The following VXN variants were observed in gnomAD, a reference collection of about 807,000 sequenced individuals.
The protein encoded by VXN is vexin.
VXN carries 7 observed loss-of-function variants against 23.1 expected under a neutral mutation model. The observed-to-expected ratio is 0.30, with a 90% CI of 0.17 to 0.57. The LOEUF is 0.57. VXN is among the 20% of genes least tolerant of loss of function. The probability of loss-of-function intolerance (pLI) is 0.91; values close to 1 mark genes in which losing one functional copy is unlikely to be tolerated. For synonymous variants in VXN, 120 were observed against 105.8 expected, an observed-to-expected ratio of 1.13 and a Z score of -0.83; for missense variants, 238 against 272.6, an observed-to-expected ratio of 0.87 and a Z score of 0.89.
In VXN at chr8:66,505,046, G is replaced by A. The variant is rs567843036; in HGVS notation, c.127-329G>A. Among the ~76,000 whole-genome samples, 22 of 152,334 alleles carry A rather than the reference G, an allele frequency of 1.4e-4. No individual in the cohort carries two copies. The East Asian group carries it at 4.2e-3, about 29-fold the overall frequency. ...TGTTGTCAAAACACGTCAGGCGACC[G>A]GGCAGCTGGCCTGCCCGTATCTCTG... On this transcript the variant is annotated intron_variant, in intron 2 of 5. Transcript: ENST00000305454.
At chr8:66,514,781 C>T (rs545729361) in intron 5 of VXN, among the ~76,000 whole-genome samples, 4 of 152,246 alleles carry the variant, frequency 2.6e-5, no homozygotes, top group East Asian at 1.9e-4. Context: ...CTGTTGTCAA[C>T]GTGTTTCAGG....
chr8:66,496,492 T>C lies in VXN; in HGVS notation c.126T>C (p.Asn42=), dbSNP rs200750536. The part of the protein sequence containing the change: ...AKSSQHLLTK[N]VVIESDLYTH... Reference sequence around the variant, plus strand: ...GCTCTCAGCACCTCTTGACCAAGAATGTAAGGAAACTTTAGTTTTGATGTT... The same window carrying C: ...GCTCTCAGCACCTCTTGACCAAGAACGTAAGGAAACTTTAGTTTTGATGTT... The change falls in exon 2 of 6, where the codon AAT becomes AAC. Residue 42 remains asparagine (N), a splice_region_variant and synonymous_variant. Coordinates refer to ENST00000305454, the MANE Select transcript of VXN (RefSeq NM_152765.4). 8 of 1,613,998 alleles carry C rather than the reference T, an allele frequency of 5.0e-6. No individual in the cohort carries two copies. The highest frequency in any genetic ancestry group is 3.3e-5 in the Admixed American group (2 of 60,026).
At chr8:66,503,121 C>T (rs1163921767) in intron 2 of VXN, among the ~76,000 whole-genome samples, 1 of 152,176 alleles carries the variant, frequency 6.6e-6, no homozygotes, top group Non-Finnish European at 1.5e-5. Context: ...GCTGGGATTA[C>T]AGGCATAAGC....
intron 3 of VXN, among the ~76,000 whole-genome samples, chr8:66,507,536 C>A (rs1445250970): frequency 6.6e-6 from 1 of 152,184 alleles, no homozygotes; most frequent in African/African-American, 2.4e-5. Flanking sequence ...GAATGTCTTT[C>A]CAACTGTCGA....
At chr8:66,495,862 A>G (rs1807619949) in intron 1 of VXN, among the ~76,000 whole-genome samples, 1 of 152,160 alleles carries the variant, frequency 6.6e-6, no homozygotes, top group Admixed American at 6.5e-5. Flanking sequence ...CCATCCTAGC[A>G]CTTCTTCATT....
chr8:66,506,191 C>T (rs761829519), intron 3 of VXN, among the ~76,000 whole-genome samples: 9 of 150,402 alleles, frequency 6.0e-5, no homozygotes, highest in Non-Finnish European at 1.0e-4. Context: ...AAAGGAGGAT[C>T]ACATAATTTA....
intron 2 of VXN, among the ~76,000 whole-genome samples, chr8:66,500,992 G>A (rs903177120): frequency 2.0e-5 from 3 of 150,266 alleles, no homozygotes; most frequent in Non-Finnish European, 4.4e-5. Context: ...TCCTGCCTCA[G>A]CCTCCAAGTA....
chr8:66,501,081 G>C (rs1240188768), intron 2 of VXN: 1 of 151,848 alleles, frequency 6.6e-6, no homozygotes, highest in Non-Finnish European at 1.5e-5. Flanking sequence ...TCACCATGTT[G>C]GTCAGGCTGG....
At chr8:66,495,335 G>A (rs1807614160) in intron 1 of VXN, among the ~76,000 whole-genome samples, 1 of 152,252 alleles carries the variant, frequency 6.6e-6, no homozygotes, top group Non-Finnish European at 1.5e-5. Context: ...AAGTCAAAAC[G>A]AAGTGGTTAA....
rs1807819225 is a variant in VXN at position 66,511,123 on chromosome 8, C to T, written c.342+966C>T. 3.9e-5 allele frequency among the ~76,000 whole-genome samples: 6 copies of T among 152,310 alleles called. No homozygotes were observed. In the South Asian group the frequency reaches 1.2e-3, roughly 32 times the overall value. Reference sequence around the variant, plus strand: ...TGCTACCCACCCTGCTGTCCTCCCTCCCACAGCTGGGCAGCTGTCCTTCCT... The same window carrying T: ...TGCTACCCACCCTGCTGTCCTCCCTTCCACAGCTGGGCAGCTGTCCTTCCT... On this transcript the variant is annotated intron_variant, in intron 4 of 5. Transcript: ENST00000305454.
chr8:66,515,231 C>T (rs1352342277), intron 5 of VXN, among the ~76,000 whole-genome samples: 2 of 152,166 alleles, frequency 1.3e-5, no homozygotes, highest in African/African-American at 4.8e-5. Context: ...TAAATGGCTC[C>T]CTTCTCTCTA....
intron 2 of VXN, among the ~76,000 whole-genome samples, chr8:66,497,681 T>A (rs922566938): frequency 6.6e-6 from 1 of 152,238 alleles, no homozygotes; most frequent in East Asian, 1.9e-4. Flanking sequence ...TTTCATAGGA[T>A]AGCATTTCAA....
chr8:66,505,487 G>T lies in VXN; in HGVS notation c.239G>T (p.Arg80Leu). ...RRRFGRLQTA[R>L]PPTAHPAKAS... ...AGGTTTGGGCGGCTCCAGACCGCGC[G>T]GCCGCCCACAGCCCACCCGGCCAAA... is the stretch of plus-strand genomic sequence containing the variant. The change falls in exon 3 of 6, where the codon CGG becomes CTG. Residue 80 changes from arginine to leucine, a missense_variant. Transcript: ENST00000305454. The T allele has an allele frequency of 6.4e-7, 1 of 1,565,178 alleles. No homozygotes were observed. Among genetic ancestry groups the T allele is most frequent in the Non-Finnish European group, 8.6e-7 (1 of 1,156,926 alleles).
At chr8:66,494,828 G>A (rs1807607958) in intron 1 of VXN, 1 of 152,124 alleles carries the variant, frequency 6.6e-6, no homozygotes, top group Non-Finnish European at 1.5e-5. Context: ...TGTTCACGGT[G>A]GCATTGATTC....
At chr8:66,498,619 G>C (rs543860314) in intron 2 of VXN, among the ~76,000 whole-genome samples, 1 of 152,242 alleles carries the variant, frequency 6.6e-6, no homozygotes, top group South Asian at 2.1e-4. Context: ...GTGTGTGTGT[G>C]TGTCCTTTAA....
intron 1 of VXN, 74 bp from the exon 2 acceptor site, chr8:66,496,363 T>C: frequency 7.2e-7 from 1 of 1,388,704 alleles, no homozygotes; most frequent in Non-Finnish European, 1.0e-6. Flanking sequence ...TCAAACCTTC[T>C]CAGTGTTGTT....
At chr8:66,496,994 C>A (rs181574268) in intron 2 of VXN, among the ~76,000 whole-genome samples, 130 of 152,292 alleles carry the variant, frequency 8.5e-4, no homozygotes, top group African/African-American at 2.9e-3. Context: ...AAGGGATTCC[C>A]CTGCCTCAGC....
chr8:66,514,666 G>A (rs1353069981), intron 5 of VXN, among the ~76,000 whole-genome samples: 2 of 152,212 alleles, frequency 1.3e-5, no homozygotes, highest in East Asian at 3.9e-4. Context: ...CTGACCTCAA[G>A]TGATCCCCCT....
chr8:66,500,083 T>C (rs1447820623), intron 2 of VXN, among the ~76,000 whole-genome samples: 3 of 152,202 alleles, frequency 2.0e-5, no homozygotes, highest in Non-Finnish European at 2.9e-5. Flanking sequence ...CTCTATAATT[T>C]TTTTTACCCA....
Sources: gnomAD v4.1 joint callset for allele counts (sites outside exome capture counted in the v4.1 genomes callset) on GRCh38, gnomAD v4.1.1 for gene constraint, MANE v1.5 for transcripts, NCBI Gene and HGNC (gene_info 2026-07-23, HGNC 2026-07-21) for gene names.